Variants in GCNT1 observed in about 807,000 individuals in gnomAD.
GCNT1 encodes beta-1,3-galactosyl-O-glycosyl-glycoprotein beta-1,6-N-acetylglucosaminyltransferase.
In GCNT1, 16 loss-of-function variants were observed where a neutral mutation model predicts 26.2. The observed-to-expected ratio is 0.61, with a 90% CI of 0.41 to 0.93. The LOEUF is 0.93. GCNT1 is among the 40% of genes least tolerant of loss of function. The pLI is 0.00. For missense variants in GCNT1, 477 were observed against 526.7 expected (o/e 0.91, Z 0.92); for synonymous variants, 183 against 190.8 (o/e 0.96, Z 0.34).
upstream of GCNT1, among the ~76,000 whole-genome samples, chr9:76,455,313 G>C (rs566821534): frequency 6.6e-6 from 1 of 152,336 alleles, no homozygotes; most frequent in Admixed American, 6.5e-5. Context: ...AAGCCTCATT[G>C]AAGTTTGATC....
Position 76,502,222 on chromosome 9 carries a change from T to C in GCNT1, c.-143-17T>C, listed in dbSNP as rs1355482484. ...ATATATATTTATTTATATTTATAATTGCTTCTTTTATTTCAGTGCTGCTCT... is the reference window on the plus strand; with the variant it reads ...ATATATATTTATTTATATTTATAATCGCTTCTTTTATTTCAGTGCTGCTCT... On this transcript the variant is annotated splice_polypyrimidine_tract_variant and intron_variant, in intron 3 of 3. Coordinates refer to ENST00000376730, the MANE Select transcript of GCNT1 (RefSeq NM_001490.5). 2.9e-6 allele frequency: 1 copy of C among 348,690 alleles called. No individual in the cohort carries two copies. Among genetic ancestry groups the C allele is most frequent in the Non-Finnish European group, 5.1e-6 (1 of 195,244 alleles). The allele number at this position is 348,690 out of a possible 1,614,324, so 21.6% of individuals were successfully genotyped here.
intron 2 of GCNT1, among the ~76,000 whole-genome samples, chr9:76,477,146 C>T (rs762303130): frequency 8.6e-4 from 131 of 151,922 alleles, no homozygotes; most frequent in South Asian, 5.4e-3. Flanking sequence ...AAATCCTTGC[C>T]TCATGTGATC....
upstream of GCNT1, among the ~76,000 whole-genome samples, chr9:76,457,846 G>A (rs1416552449): frequency 6.6e-6 from 1 of 151,732 alleles, no homozygotes; most frequent in Non-Finnish European, 1.5e-5. Context: ...CATTGAAGGA[G>A]TTCAGGAGTT....
At position 76,502,906 on chromosome 9, in the gene GCNT1, T is replaced by C; in HGVS notation, c.525T>C (p.Asn175=). 6.2e-7 allele frequency: 1 copy of C among 1,613,818 alleles called. No homozygotes were observed. Among genetic ancestry groups the C allele is most frequent in the East Asian group, 2.2e-5 (1 of 44,884 alleles). ...TGGGCATCGCTTCCTGTTTTAGTAA[T>C]GTCTTTGTGGCCAGCCGATTGGAGA... is the stretch of plus-strand genomic sequence containing the variant. The part of the protein sequence containing the change: ...AVMGIASCFS[N]VFVASRLESV... The change falls in exon 4 of 4, where the codon AAT becomes AAC. Residue 175 remains asparagine (N), a synonymous_variant. Coordinates refer to ENST00000376730, the MANE Select transcript of GCNT1 (RefSeq NM_001490.5).
At chr9:76,443,552 G>A (rs1823515303) in intron 1 of GCNT1, among the ~76,000 whole-genome samples, 2 of 152,208 alleles carry the variant, frequency 1.3e-5, no homozygotes, top group African/African-American at 4.8e-5. Context: ...ACCCTGGGTG[G>A]GCCAGGTGTT....
chr9:76,484,823 C>T (rs889999465), intron 2 of GCNT1, among the ~76,000 whole-genome samples: 3 of 143,824 alleles, frequency 2.1e-5, no homozygotes, highest in Non-Finnish European at 3.0e-5. Flanking sequence ...GAATCTCACT[C>T]TGTTACCCAG....
At chr9:76,447,881 T>G (rs1215072859) in intron 1 of GCNT1, among the ~76,000 whole-genome samples, 1 of 150,184 alleles carries the variant, frequency 6.7e-6, no homozygotes, top group African/African-American at 2.5e-5. Context: ...CATCTTCCTT[T>G]GCTGTGCTGG....
chr9:76,493,740 A>C (rs1465565274), intron 2 of GCNT1, among the ~76,000 whole-genome samples: 1 of 152,138 alleles, frequency 6.6e-6, no homozygotes, highest in African/African-American at 2.4e-5. Context: ...GTGGGATATA[A>C]ATTGCAAGCT....
the GCNT1 span, chr9:76,399,275 C>T: frequency 1.4e-6 from 2 of 1,434,920 alleles, no homozygotes; most frequent in South Asian, 2.3e-5. Flanking sequence ...TTCCTATGAC[C>T]ACCCGTGGGA....
At chr9:76,443,553 G>C (rs879870368) in intron 1 of GCNT1, among the ~76,000 whole-genome samples, 2 of 152,170 alleles carry the variant, frequency 1.3e-5, no homozygotes, top group African/African-American at 2.4e-5. Flanking sequence ...CCCTGGGTGG[G>C]CCAGGTGTTC....
At chr9:76,420,384 C>T (rs115562161) in intron 1 of GCNT1, among the ~76,000 whole-genome samples, 1,528 of 152,260 alleles carry the variant, frequency 0.01, 19 homozygotes, top group African/African-American at 0.03. Context: ...AGTAATCCTC[C>T]TCCCTTAGCC....
Position 76,502,767 on chromosome 9 carries a change from T to A in GCNT1, c.386T>A (p.Val129Asp), listed in dbSNP as rs774511006. The change falls in exon 4 of 4, where the codon GTT (valine) becomes GAT (aspartate). Residue 129 changes from valine to aspartate, a missense_variant. Physicochemically the swap from Val to Asp is radical, Grantham distance 152. Coordinates refer to ENST00000376730, the MANE Select transcript of GCNT1 (RefSeq NM_001490.5). ...TTTCCAATAGCATATTCTATAGTGG[T>A]TCATCACAAGATTGAAATGCTTGAC... ...AEFPIAYSIVVHHKIEMLDRL... is the reference protein window; with the variant it reads ...AEFPIAYSIVDHHKIEMLDRL... 2.5e-6 allele frequency: 4 copies of A among 1,614,136 alleles called. No individual in the cohort carries two copies. Among genetic ancestry groups the A allele is most frequent in the Non-Finnish European group, 3.4e-6 (4 of 1,179,990 alleles).
At chr9:76,481,843 T>C (rs188176168) in intron 2 of GCNT1, among the ~76,000 whole-genome samples, 128 of 152,220 alleles carry the variant, frequency 8.4e-4, no homozygotes, top group African/African-American at 3.1e-3. Flanking sequence ...TAGCAGAGGA[T>C]CAGCATTTTT....
In GCNT1 at chr9:76,502,988, C is replaced by G. The variant is rs759498821; in HGVS notation, c.607C>G (p.Leu203Val). The change falls in exon 4 of 4, where the codon CTC becomes GTC. Residue 203 changes from leucine (L) to valine (V), a missense_variant. Coordinates refer to ENST00000376730, the MANE Select transcript of GCNT1 (RefSeq NM_001490.5). ...GGCTGACCTCAACTGCATGAAGGATCTCTATGCAATGAGTGCAAACTGGAA... is the reference window on the plus strand; with the variant it reads ...GGCTGACCTCAACTGCATGAAGGATGTCTATGCAATGAGTGCAAACTGGAA... ...VQADLNCMKD[L>V]YAMSANWKYL... 3 of 1,613,400 alleles carry G rather than the reference C, an allele frequency of 1.9e-6. No homozygotes were observed. In the South Asian group the frequency reaches 3.3e-5, roughly 18 times the overall value.
At chr9:76,394,289 C>T in the GCNT1 span, 3 of 950,170 alleles carry the variant, frequency 3.2e-6, no homozygotes, top group Non-Finnish European at 4.5e-6. Context: ...CTCTGCCTGC[C>T]GCGGGGGCGC....
intron 2 of GCNT1, among the ~76,000 whole-genome samples, chr9:76,484,081 A>G (rs1824500101): frequency 2.0e-5 from 3 of 152,224 alleles, no homozygotes; most frequent in Non-Finnish European, 4.4e-5. Context: ...TATATATTCT[A>G]TCAGAAAGTA....
chr9:76,486,362 T>C (rs961168444), intron 2 of GCNT1, among the ~76,000 whole-genome samples: 2 of 152,252 alleles, frequency 1.3e-5, no homozygotes, highest in African/African-American at 4.8e-5. Context: ...GAAAGGTGCA[T>C]GTGACTTTGC....
upstream of GCNT1, among the ~76,000 whole-genome samples, chr9:76,415,827 G>A (rs1823127777): frequency 6.6e-6 from 1 of 152,106 alleles, no homozygotes; most frequent in African/African-American, 2.4e-5. Flanking sequence ...GAGACTTCCT[G>A]TTTGTCTTTC....
chr9:76,461,532 G>A (rs1823870169), intron 2 of GCNT1, among the ~76,000 whole-genome samples: 2 of 150,934 alleles, frequency 1.3e-5, no homozygotes, highest in South Asian at 2.1e-4. Context: ...GCAGTGAGCC[G>A]AGATTGCACC....
Sources: gnomAD v4.1 joint callset for allele counts (sites outside exome capture counted in the v4.1 genomes callset) on GRCh38, gnomAD v4.1.1 for gene constraint, MANE v1.5 for transcripts, NCBI Gene and HGNC (gene_info 2026-07-23, HGNC 2026-07-21) for gene names.